PGS1: variants seen among roughly 807,000 people sequenced by gnomAD.
The protein encoded by PGS1 is phosphatidylglycerophosphate synthase 1.
In PGS1, 44 loss-of-function variants were observed where a neutral mutation model predicts 58.3. That is an observed-to-expected ratio of 0.75 (90% CI 0.59 to 0.97). The LOEUF is 0.97. Among genes scored for constraint, PGS1 ranks in the 50% least tolerant of loss-of-function variants. PGS1 has a pLI of 0.00. For missense variants in PGS1, 684 were observed against 731.1 expected, an observed-to-expected ratio of 0.94 and a Z score of 0.74; for synonymous variants, 330 against 311.0, an observed-to-expected ratio of 1.06 and a Z score of -0.64.
chr17:78,401,797 T>G (rs2083686967), intron 6 of PGS1, among the ~76,000 whole-genome samples: 1 of 152,218 alleles, frequency 6.6e-6, no homozygotes, highest in African/African-American at 2.4e-5. Flanking sequence ...GCTCTGTATC[T>G]CTCTTGCTGA....
At chr17:78,417,931 T>G (rs1415150231) in intron 8 of PGS1, among the ~76,000 whole-genome samples, 1 of 91,370 alleles carries the variant, frequency 1.1e-5, no homozygotes, top group Non-Finnish European at 2.3e-5. Flanking sequence ...TATATAAATT[T>G]TTTTTTTTTT....
At chr17:78,406,464 A>T (rs1462235939) in intron 7 of PGS1, among the ~76,000 whole-genome samples, 2 of 152,224 alleles carry the variant, frequency 1.3e-5, no homozygotes, top group African/African-American at 2.4e-5. Flanking sequence ...CCAGCTTGGA[A>T]TGGGAAGCTT....
intron 9 of PGS1, chr17:78,420,581 T>C (rs925020248): frequency 1.3e-5 from 2 of 152,186 alleles, no homozygotes; most frequent in African/African-American, 4.8e-5. Context: ...CCAGGACCCA[T>C]GTGGCCGGCA....
intron 1 of PGS1, among the ~76,000 whole-genome samples, chr17:78,392,166 A>G (rs201903360): frequency 6.6e-6 from 1 of 152,090 alleles, no homozygotes; most frequent in African/African-American, 2.4e-5. Context: ...TTACTTGTGG[A>G]TGCTCTAAAT....
intron 4 of PGS1, among the ~76,000 whole-genome samples, chr17:78,399,053 G>T (rs1469409664): frequency 3.9e-5 from 6 of 152,236 alleles, no homozygotes; most frequent in African/African-American, 1.2e-4. Flanking sequence ...CTGCGAGTGG[G>T]TGGGGTAGTG....
intron 4 of PGS1, 67 bp from the exon 5 acceptor site, chr17:78,399,281 G>C: frequency 4.0e-6 from 5 of 1,264,198 alleles, no homozygotes; most frequent in Non-Finnish European, 5.7e-6. Flanking sequence ...CGTGGAGGTG[G>C]CTCCTCATTG....
Position 78,420,309 on chromosome 17 carries a change from C to A in PGS1, c.*10+634C>A. On this transcript the variant is annotated intron_variant, in intron 9 of 9. Coordinates refer to ENST00000262764, the MANE Select transcript of PGS1 (RefSeq NM_024419.5). ...CTTCACCAGAGGCACCAGTGGGGTC[C>A]CACAGTCACCTGAGGTACCCCTGGA... 4 of 801,338 alleles carry A rather than the reference C, an allele frequency of 5.0e-6. No individual in the cohort carries two copies. The Admixed American group carries it at 1.8e-4, about 36-fold the overall frequency. 49.6% of individuals were successfully genotyped at this position (801,338 alleles called of 1,614,324 possible).
chr17:78,411,046 G>A (rs2084643522), intron 7 of PGS1, among the ~76,000 whole-genome samples: 2 of 152,212 alleles, frequency 1.3e-5, no homozygotes, highest in African/African-American at 4.8e-5. Context: ...CCAGGCTGCT[G>A]CAGGATCTGT....
At chr17:78,383,251 C>CTT (rs148101901) in intron 1 of PGS1, among the ~76,000 whole-genome samples, 9 of 146,470 alleles carry the variant, frequency 6.1e-5, no homozygotes, top group African/African-American at 2.0e-4. Flanking sequence ...ATTTTCTTTC[C>CTT]TTTTTTTTTT....
At chr17:78,378,831 G>C (rs746850999) in intron 1 of PGS1, 23 bp downstream of exon 1, 36 of 1,411,388 alleles carry the variant, frequency 2.6e-5, no homozygotes, top group Non-Finnish European at 3.2e-5. Context: ...GCCGGGATGA[G>C]AGTGCAGCCC....
chr17:78,396,905 G>C (rs550493237), intron 3 of PGS1, among the ~76,000 whole-genome samples: 2 of 152,372 alleles, frequency 1.3e-5, no homozygotes, highest in African/African-American at 4.8e-5. Flanking sequence ...GAACGGGGTA[G>C]TTGTGACAGT....
chr17:78,416,382 C>T (rs1227518195), intron 8 of PGS1, among the ~76,000 whole-genome samples: 4 of 152,230 alleles, frequency 2.6e-5, no homozygotes, highest in Admixed American at 6.5e-5. Context: ...GAGAGCCGTT[C>T]GCAGAGACTT....
chr17:78,419,476 G>A, intron 8 of PGS1, 70 bp from the exon 9 acceptor site: 3 of 1,393,184 alleles, frequency 2.2e-6, no homozygotes, highest in Non-Finnish European at 3.1e-6. Context: ...GGCTGGGCTG[G>A]GGCCAGCCGG....
At chr17:78,420,433 A>C (rs987836709) in intron 9 of PGS1, 1 of 163,106 alleles carries the variant, frequency 6.1e-6, no homozygotes, top group Non-Finnish European at 1.3e-5. Flanking sequence ...CAGGGCCTGG[A>C]CTGCACTCCG....
At chr17:78,422,785 C>G (rs1484458326) in intron 9 of PGS1, among the ~76,000 whole-genome samples, 1 of 151,804 alleles carries the variant, frequency 6.6e-6, no homozygotes, top group Non-Finnish European at 1.5e-5. Flanking sequence ...CAGCGGCCTG[C>G]TTTTCTTTGA....
chr17:78,416,245 G>A (rs930993083), intron 8 of PGS1, among the ~76,000 whole-genome samples: 2 of 152,214 alleles, frequency 1.3e-5, no homozygotes, highest in Non-Finnish European at 2.9e-5. Flanking sequence ...AATGACTGAG[G>A]AAGCCCCCAC....
chr17:78,396,380 G>A lies in PGS1; in HGVS notation c.406G>A (p.Glu136Lys). The part of the protein sequence containing the change: ...LYLGTGPLEQ[E>K]LVDCLESTLE... ...CCTGGGGACAGGTCCTTTGGAACAG[G>A]AGCTGGTAAGGTTTATGGGGAGATG... The change falls in exon 3 of 10, where the codon GAG (glutamate) becomes AAG (lysine). Residue 136 changes from glutamate to lysine, a missense_variant. Transcript: ENST00000262764. 6.2e-7 allele frequency: 1 copy of A among 1,610,304 alleles called. No homozygotes were observed. The highest frequency in any genetic ancestry group is 8.5e-7 in the Non-Finnish European group (1 of 1,177,638).
chr17:78,422,080 T>C (rs1030194162), intron 9 of PGS1, among the ~76,000 whole-genome samples: 2 of 152,250 alleles, frequency 1.3e-5, no homozygotes, highest in African/African-American at 2.4e-5. Flanking sequence ...GATTACTTTC[T>C]TATTTCAGGA....
At chr17:78,402,172 T>G (rs2083726001) in intron 6 of PGS1, among the ~76,000 whole-genome samples, 1 of 152,136 alleles carries the variant, frequency 6.6e-6, no homozygotes, top group Admixed American at 6.5e-5. Context: ...GTCCTTCTCT[T>G]TGTTCTGTAG....
Sources: allele counts gnomAD v4.1 joint callset (sites outside exome capture counted in the v4.1 genomes callset), GRCh38; gene constraint gnomAD v4.1.1; transcripts MANE v1.5; gene names NCBI Gene and HGNC (gene_info 2026-07-23, HGNC 2026-07-21).